The following CSGALNACT1 variants were observed in gnomAD, a reference collection of about 807,000 sequenced individuals.
The protein encoded by CSGALNACT1 is beta4GalNAcT-1.
A neutral mutation model predicts 51.0 loss-of-function variants in CSGALNACT1; 52 were observed. The observed-to-expected ratio is 1.02, with a 90% CI of 0.82 to 1.29. The LOEUF (loss-of-function observed/expected upper bound fraction) is 1.29, where lower values mean the gene tolerates loss of function less well. CSGALNACT1 is among the 50% of genes most tolerant of loss of function. CSGALNACT1 has a pLI of 0.00. For synonymous variants in CSGALNACT1, 341 were observed against 254.4 expected (o/e 1.34, Z -3.24); for missense variants, 935 against 679.2 (o/e 1.38, Z -4.19).
At chr8:19,733,932 C>A (rs923912182) in intron 1 of CSGALNACT1, among the ~76,000 whole-genome samples, 2 of 152,092 alleles carry the variant, frequency 1.3e-5, no homozygotes, top group South Asian at 2.1e-4. Flanking sequence ...GGAGTGCAAG[C>A]CCAAACCATA....
chr8:19,666,943 AAAAG>A lies in CSGALNACT1; in HGVS notation c.-544+15526_-544+15529del, dbSNP rs1159962282. On this transcript the variant is annotated intron_variant, in intron 1 of 9. Coordinates refer to the CSGALNACT1 transcript ENST00000332246. ...GAAGGGAGAGACAGAGAGAGAGAGAAAAAGAAAGAAAGAAAGAAAGAAAGAAAGA... is the reference window on the plus strand; with the variant it reads ...GAAGGGAGAGACAGAGAGAGAGAGAAAAAGAAAGAAAGAAAGAAAGAAAGA... 4.6e-3 allele frequency among the ~76,000 whole-genome samples: 366 copies of A among 79,414 alleles called. 6 individuals are homozygous for A. Among genetic ancestry groups the A allele is most frequent in the Middle Eastern group, 6.0e-3 (1 of 168 alleles). The allele number at this position is 79,414 out of a possible 152,430, so 52.1% of individuals were successfully genotyped here. A position where few individuals can be genotyped will look rare whatever the true frequency, so the allele number is the denominator to read the frequency against.
chr8:19,596,645 C>T (rs2154138789), intron 2 of CSGALNACT1, among the ~76,000 whole-genome samples: 1 of 150,220 alleles, frequency 6.7e-6, no homozygotes, highest in African/African-American at 2.4e-5. Context: ...GATCTTACCA[C>T]TGTAAATACA....
chr8:19,465,442 T>C (rs914500289), intron 4 of CSGALNACT1, among the ~76,000 whole-genome samples: 1 of 152,126 alleles, frequency 6.6e-6, no homozygotes, highest in Admixed American at 6.5e-5. Flanking sequence ...TGCGCAAGAA[T>C]GTCAATGTAC....
intron 1 of CSGALNACT1, among the ~76,000 whole-genome samples, chr8:19,676,727 C>T (rs565606786): frequency 2.6e-5 from 4 of 151,950 alleles, no homozygotes; most frequent in East Asian, 1.9e-4. Context: ...CCTCGGGAGC[C>T]GCACAAGCAT....
At chr8:19,477,838 G>A (rs1236216759) in intron 4 of CSGALNACT1, among the ~76,000 whole-genome samples, 2 of 152,256 alleles carry the variant, frequency 1.3e-5, no homozygotes, top group South Asian at 2.1e-4. Context: ...AGCACTTGAT[G>A]GATGTCAGCT....
Position 19,565,357 on chromosome 8 carries a change from G to A in CSGALNACT1, c.-297+25803C>T, listed in dbSNP as rs2975451. Among the ~76,000 whole-genome samples, 1,288 of 152,302 alleles carry A rather than the reference G, an allele frequency of 8.5e-3. 9 individuals carry two copies. Among genetic ancestry groups the A allele is most frequent in the Non-Finnish European group, 0.012 (815 of 68,022 alleles). ...GCATAAACTGTCACCTCTCCAGGCA[G>A]TGTAGCAGGACTGCCTACTTGGCAG... On this transcript the variant is annotated intron_variant, in intron 3 of 9. Transcript: ENST00000454498.
chr8:19,449,128 G>C (rs1216061743), intron 5 of CSGALNACT1, among the ~76,000 whole-genome samples: 1 of 152,082 alleles, frequency 6.6e-6, no homozygotes, highest in African/African-American at 2.4e-5. Context: ...TTTCCTGACT[G>C]TCCATTTCAA....
At chr8:19,412,621 C>T (rs1190356676) in intron 8 of CSGALNACT1, among the ~76,000 whole-genome samples, 1 of 152,238 alleles carries the variant, frequency 6.6e-6, no homozygotes, top group Admixed American at 6.5e-5. Context: ...GCAGGGCCGG[C>T]TTACAAAGTG....
intron 4 of CSGALNACT1, among the ~76,000 whole-genome samples, chr8:19,501,444 G>C (rs1244801834): frequency 6.6e-6 from 1 of 152,070 alleles, no homozygotes; most frequent in African/African-American, 2.4e-5. Context: ...TCAAACCACA[G>C]CACCCTCAAA....
intron 1 of CSGALNACT1, among the ~76,000 whole-genome samples, chr8:19,612,946 GAAAAAAAAAA>G (rs1165754811): frequency 0.023 from 355 of 15,416 alleles, 3 homozygotes; most frequent in Admixed American, 0.056. Context: ...AAAGCAGCTG[GAAAAAAAAAA>G]AAAAAAAAAA....
chr8:19,443,878 TG>T (rs1174991318), intron 5 of CSGALNACT1, among the ~76,000 whole-genome samples: 1 of 152,008 alleles, frequency 6.6e-6, no homozygotes, highest in Non-Finnish European at 1.5e-5. Flanking sequence ...TTTTCCACAC[TG>T]GGGGTGGGGG....
At chr8:19,714,552 G>C (rs906472605) in intron 1 of CSGALNACT1, among the ~76,000 whole-genome samples, 2 of 151,754 alleles carry the variant, frequency 1.3e-5, no homozygotes, top group Admixed American at 6.6e-5. Flanking sequence ...TTTTATTCTT[G>C]TTTTTCCTTT....
At chr8:19,559,578 T>G (rs2040239303) in intron 3 of CSGALNACT1, among the ~76,000 whole-genome samples, 2 of 152,158 alleles carry the variant, frequency 1.3e-5, no homozygotes, top group Admixed American at 1.3e-4. Context: ...CATTCACAGA[T>G]AAGCTGTTAG....
chr8:19,751,070 C>T (rs1368739872), intron 1 of CSGALNACT1, among the ~76,000 whole-genome samples: 1 of 152,042 alleles, frequency 6.6e-6, no homozygotes, highest in Non-Finnish European at 1.5e-5. Flanking sequence ...GAGACAAATA[C>T]AATACTGTAA....
intron 1 of CSGALNACT1, among the ~76,000 whole-genome samples, chr8:19,619,614 G>A (rs553661177): frequency 2.6e-5 from 4 of 152,240 alleles, no homozygotes; most frequent in South Asian, 4.1e-4. Context: ...TAGAGTCAGG[G>A]CTCAGTGATT....
intron 1 of CSGALNACT1, 25 bp from the exon 2 acceptor site, chr8:19,601,890 C>T: frequency 2.2e-6 from 1 of 453,848 alleles, no homozygotes; most frequent in Non-Finnish European, 4.4e-6. Context: ...AAACAAAAGG[C>T]AACCCTTGTA....
At chr8:19,476,914 C>A (rs1464972627) in intron 4 of CSGALNACT1, among the ~76,000 whole-genome samples, 1 of 152,156 alleles carries the variant, frequency 6.6e-6, no homozygotes, top group African/African-American at 2.4e-5. Flanking sequence ...TGAGGCCTTC[C>A]CATGAGGTCC....
At chr8:19,731,352 A>G (rs997804847) in intron 1 of CSGALNACT1, among the ~76,000 whole-genome samples, 35 of 152,112 alleles carry the variant, frequency 2.3e-4, no homozygotes, top group African/African-American at 8.2e-4. Flanking sequence ...TACCAAAAAT[A>G]CAAAAATTAG....
chr8:19,701,160 T>TTTTTTTTTC lies in CSGALNACT1; in HGVS notation c.-297+56689_-297+56690insGAAAAAAAA, dbSNP rs1192379972. On this transcript the variant is annotated intron_variant, in intron 1 of 1. Transcript: ENST00000517494. ...TCAGTTCATCTATTATCCGTTTTTT[T>TTTTTTTTTC]TTTTTTTTTTTTTGATACAGAGTCT... 2.1e-4 allele frequency among the ~76,000 whole-genome samples: 29 copies of TTTTTTTTTC among 140,750 alleles called. 1 individual carries two copies. Among genetic ancestry groups the TTTTTTTTTC allele is most frequent in the Middle Eastern group, 3.5e-3 (1 of 286 alleles). 92.3% of individuals were successfully genotyped at this position (140,750 alleles called of 152,430 possible). A position where few individuals can be genotyped will look rare whatever the true frequency, so the allele number is the denominator to read the frequency against.
Sources: allele counts gnomAD v4.1 joint callset (sites outside exome capture counted in the v4.1 genomes callset), GRCh38; gene constraint gnomAD v4.1.1; transcripts MANE v1.5; gene names NCBI Gene and HGNC (gene_info 2026-07-23, HGNC 2026-07-21).